SLC35A1: variants seen among roughly 807,000 people sequenced by gnomAD.
SLC35A1 encodes the protein CMP-sialic acid transporter.
A neutral mutation model predicts 40.3 loss-of-function variants in SLC35A1; 21 were observed. The observed-to-expected ratio is 0.52, with a 90% confidence interval of 0.37 to 0.75. The LOEUF is 0.75. Among genes scored for constraint, SLC35A1 ranks in the 30% least tolerant of loss-of-function variants. The pLI is 0.00. For missense variants in SLC35A1, 297 were observed against 382.1 expected (o/e 0.78, Z 1.86); for synonymous variants, 146 against 147.3 (o/e 0.99, Z 0.06).
intron 7 of SLC35A1, among the ~76,000 whole-genome samples, chr6:87,509,497 A>G (rs542128085): frequency 1.9e-4 from 29 of 152,290 alleles, no homozygotes; most frequent in African/African-American, 7.0e-4. Flanking sequence ...TGAATGTGAG[A>G]AGGTACTCAA....
At chr6:87,509,445 C>A (rs1318255550) in intron 7 of SLC35A1, among the ~76,000 whole-genome samples, 1 of 152,032 alleles carries the variant, frequency 6.6e-6, no homozygotes, top group Non-Finnish European at 1.5e-5. Context: ...GTCAAGGCCT[C>A]CCTGTATTTT....
rs1233212177 is a variant in SLC35A1, at chr6:87,501,277, A to G, written c.474A>G (p.Val158=). 6.2e-7 allele frequency: 1 copy of G among 1,613,982 alleles called. No homozygotes were observed. Among genetic ancestry groups the G allele is most frequent in the African/African-American group, 1.3e-5 (1 of 74,922 alleles). Residue 158 remains valine (V), a synonymous_variant, in exon 4 of 8, where the codon GTA becomes GTG. Transcript: ENST00000369552. Reference sequence around the variant, plus strand: ...TGCTGTGTGCTGGAGTTACGCTTGTACAGTGGAAACCAGCCCAAGCTACAA... The same window carrying G: ...TGCTGTGTGCTGGAGTTACGCTTGTGCAGTGGAAACCAGCCCAAGCTACAA... The part of the protein sequence containing the change: ...VFMLCAGVTL[V]QWKPAQATKV...
intron 4 of SLC35A1, among the ~76,000 whole-genome samples, chr6:87,502,574 AAC>A (rs1315826770): frequency 6.6e-6 from 1 of 152,226 alleles, no homozygotes; most frequent in East Asian, 1.9e-4. Flanking sequence ...AGCGAGTTGT[AAC>A]ACAGTGGTAA....
chr6:87,510,706 C>G (rs1562028565), intron 7 of SLC35A1, among the ~76,000 whole-genome samples: 1 of 151,920 alleles, frequency 6.6e-6, no homozygotes, highest in East Asian at 1.9e-4. Context: ...GAAATCCTGT[C>G]TCTACTAAAA....
Position 87,477,411 on chromosome 6 carries a change from G to A in SLC35A1, c.66G>A (p.Leu22=), listed in dbSNP as rs773491055. ...TATACTGCTTGGCAGTGATGACCCT[G>A]ATGGCTGCAGTCTATACCATAGCTT... The part of the protein sequence containing the change: ...FKLYCLAVMT[L]MAAVYTIALR... The change falls in exon 2 of 8, where the codon CTG becomes CTA. Residue 22 remains leucine (L), a synonymous_variant. Transcript: ENST00000369552. 3 of 1,613,886 alleles carry A rather than the reference G, an allele frequency of 1.9e-6. No homozygotes were observed. In the Admixed American group the frequency reaches 5.0e-5, roughly 27 times the overall value.
At chr6:87,500,177 A>G (rs1374478484) in intron 2 of SLC35A1, among the ~76,000 whole-genome samples, 1 of 152,220 alleles carries the variant, frequency 6.6e-6, no homozygotes, top group Admixed American at 6.5e-5. Flanking sequence ...TTGATGAAAT[A>G]GTTAAAGTAG....
intron 5 of SLC35A1, among the ~76,000 whole-genome samples, chr6:87,507,631 A>G (rs997410796): frequency 1.3e-5 from 2 of 152,142 alleles, no homozygotes; most frequent in African/African-American, 4.8e-5. Flanking sequence ...TTTTTAGTTG[A>G]TAAGTACTTC....
intron 2 of SLC35A1, chr6:87,496,068 T>A (rs569705185): frequency 6.6e-6 from 1 of 152,390 alleles, no homozygotes; most frequent in African/African-American, 2.4e-5. Context: ...TGTTCCATTT[T>A]GCACAGTGAC....
intron 7 of SLC35A1, among the ~76,000 whole-genome samples, chr6:87,511,095 A>G (rs1480822699): frequency 6.6e-6 from 1 of 152,024 alleles, no homozygotes; most frequent in East Asian, 1.9e-4. Context: ...AAAAAAAATT[A>G]TATATTTTAT....
At chr6:87,479,713 T>C (rs1300751469) in intron 2 of SLC35A1, among the ~76,000 whole-genome samples, 1 of 152,226 alleles carries the variant, frequency 6.6e-6, no homozygotes, top group Non-Finnish European at 1.5e-5. Flanking sequence ...AGCTATTCCT[T>C]TAACAGCATC....
intron 4 of SLC35A1, among the ~76,000 whole-genome samples, chr6:87,504,743 T>C (rs1770027662): frequency 6.6e-6 from 1 of 152,138 alleles, no homozygotes; most frequent in African/African-American, 2.4e-5. Flanking sequence ...TCCATCACTA[T>C]TTTTCCTAAC....
intron 4 of SLC35A1, among the ~76,000 whole-genome samples, chr6:87,504,698 A>G (rs1402320550): frequency 6.6e-6 from 1 of 152,178 alleles, no homozygotes; most frequent in South Asian, 2.1e-4. Flanking sequence ...ATCACCCAGC[A>G]GTTTCTTGTC....
rs1477072903 is a variant in SLC35A1, at chr6:87,501,391, A to G, written c.507+81A>G. 15 of 1,340,986 alleles carry G rather than the reference A, an allele frequency of 1.1e-5. No individual in the cohort carries two copies. In the Admixed American group the frequency reaches 2.9e-4, roughly 26 times the overall value. The allele number at this position is 1,340,986 out of a possible 1,614,324, so 83.1% of individuals were successfully genotyped here. On this transcript the variant is annotated intron_variant, in intron 4 of 7. Coordinates refer to ENST00000369552, the MANE Select transcript of SLC35A1 (RefSeq NM_006416.5). ...TTATACTGTTCAGTTACATTGATGC[A>G]TGCAGCATGACTACATTTCTTTGAT...
At position 87,477,340 on chromosome 6, in the gene SLC35A1, CTTTG is replaced by C. The variant is rs1362904423; in HGVS notation, c.17-19_17-16del. 6.2e-7 allele frequency: 1 copy of C among 1,601,826 alleles called. No homozygotes were observed. Among genetic ancestry groups the C allele is most frequent in the South Asian group, 1.1e-5 (1 of 90,772 alleles). ...ACATATATTGTCTACTAAGTAATGTCTTTGTTGCACGTATTTTCCAGACAATGTC... is the reference window on the plus strand; with the variant it reads ...ACATATATTGTCTACTAAGTAATGTCTTGCACGTATTTTCCAGACAATGTC... On this transcript the variant is annotated intron_variant, in intron 1 of 7. Transcript: ENST00000369552.
At chr6:87,510,901 G>T (rs752658996) in intron 7 of SLC35A1, among the ~76,000 whole-genome samples, 9 of 151,730 alleles carry the variant, frequency 5.9e-5, no homozygotes, top group South Asian at 2.1e-4. Context: ...AAAGGGTTAA[G>T]ACTAGTAGGA....
At position 87,501,289 on chromosome 6, in the gene SLC35A1, A is replaced by G; in HGVS notation, c.486A>G (p.Pro162=). The G allele has an allele frequency of 6.2e-7, 1 of 1,614,058 alleles. No homozygotes were observed. Among genetic ancestry groups the G allele is most frequent in the Non-Finnish European group, 8.5e-7 (1 of 1,179,952 alleles). ...GAGTTACGCTTGTACAGTGGAAACC[A>G]GCCCAAGCTACAAAAGTGGTGGTAA... ...CAGVTLVQWK[P]AQATKVVVEQ... Residue 162 remains proline (P), a synonymous_variant, in exon 4 of 8, where the codon CCA becomes CCG. Transcript: ENST00000369552.
chr6:87,474,974 G>A (rs988793523), intron 1 of SLC35A1, among the ~76,000 whole-genome samples: 1 of 152,128 alleles, frequency 6.6e-6, no homozygotes, highest in Non-Finnish European at 1.5e-5. Context: ...TTGGAATCAG[G>A]AACCTGTACA....
intron 5 of SLC35A1, among the ~76,000 whole-genome samples, chr6:87,507,614 G>A (rs900805434): frequency 3.3e-5 from 5 of 152,010 alleles, no homozygotes; most frequent in South Asian, 2.1e-4. Context: ...CTTGTTTTTC[G>A]TTAGACTTTT....
rs556286945 is a variant in SLC35A1 at position 87,487,043 on chromosome 6, G to C, written c.194+9504G>C. Among the ~76,000 whole-genome samples the C allele has an allele frequency of 2.0e-5, 3 of 152,190 alleles. No individual in the cohort carries two copies. In the East Asian group the frequency reaches 5.8e-4, roughly 29 times the overall value. On this transcript the variant is annotated intron_variant, in intron 2 of 7. Transcript: ENST00000369552. Reference sequence around the variant, plus strand: ...AATACAAAAATTAGCTGGGCGTGGTGGCACATGCCTGTATTCTAGCTACTT... The same window carrying C: ...AATACAAAAATTAGCTGGGCGTGGTCGCACATGCCTGTATTCTAGCTACTT...
Sources: gnomAD v4.1 joint callset for allele counts (sites outside exome capture counted in the v4.1 genomes callset) on GRCh38, gnomAD v4.1.1 for gene constraint, MANE v1.5 for transcripts, NCBI Gene and HGNC (gene_info 2026-07-23, HGNC 2026-07-21) for gene names.